Variants in TSG101 observed in about 807,000 individuals in gnomAD.
The protein encoded by TSG101 is tumor susceptibility gene 101 protein.
A neutral mutation model predicts 48.5 loss-of-function variants in TSG101; 19 were observed. The observed-to-expected ratio is 0.39, with a 90% CI of 0.27 to 0.58. The LOEUF is 0.58. TSG101 is among the 20% of genes least tolerant of loss of function. The pLI, the probability that TSG101 is intolerant of heterozygous loss-of-function variation, is 0.55. For missense variants in TSG101, 365 were observed against 484.4 expected (o/e 0.75, Z 2.31); for synonymous variants, 174 against 169.4 (o/e 1.03, Z -0.21).
chr11:18,484,786 A>T (rs1849593325), intron 7 of TSG101, among the ~76,000 whole-genome samples: 1 of 152,152 alleles, frequency 6.6e-6, no homozygotes, highest in African/African-American at 2.4e-5. Context: ...CCCCTTTCTA[A>T]TATAAGTTTG....
At chr11:18,499,400 A>ATTTTTT (rs1204737360) in intron 7 of TSG101, among the ~76,000 whole-genome samples, 4 of 6,782 alleles carry the variant, frequency 5.9e-4, no homozygotes, top group African/African-American at 8.2e-4. Context: ...ATATATATAT[A>ATTTTTT]TATTTTTTTT....
At chr11:18,514,627 G>A in intron 4 of TSG101, 51 bp downstream of exon 4, 1 of 1,449,982 alleles carries the variant, frequency 6.9e-7, no homozygotes, top group Non-Finnish European at 9.1e-7. Context: ...AGATGCTAGT[G>A]AGCAAAATAT....
At chr11:18,509,013 G>A (rs1392707483) in intron 5 of TSG101, among the ~76,000 whole-genome samples, 5 of 152,102 alleles carry the variant, frequency 3.3e-5, no homozygotes, top group African/African-American at 1.2e-4. Flanking sequence ...TAGGGGAGAA[G>A]CAACACTCTC....
At chr11:18,481,516 A>AAGAT (rs2013864278) in intron 9 of TSG101, 114 bp downstream of exon 9, 1 of 1,480,078 alleles carries the variant, frequency 6.8e-7, no homozygotes, top group Non-Finnish European at 8.9e-7. Flanking sequence ...GTTTTTTGGG[A>AAGAT]AGATAAAGAA....
intron 1 of TSG101, among the ~76,000 whole-genome samples, chr11:18,522,309 A>T (rs181805863): frequency 1.3e-5 from 2 of 152,264 alleles, no homozygotes; most frequent in East Asian, 3.9e-4. Context: ...ACATGACCAA[A>T]ACTGAACTCC....
At chr11:18,525,687 CAT>C (rs1850360933) in intron 1 of TSG101, 5 of 984,726 alleles carry the variant, frequency 5.1e-6, no homozygotes, top group South Asian at 4.7e-5. Flanking sequence ...TATGGCTTCC[CAT>C]ATGTCTTCTA....
intron 8 of TSG101, among the ~76,000 whole-genome samples, chr11:18,483,167 TTCC>T (rs997775619): frequency 6.6e-6 from 1 of 152,114 alleles, no homozygotes; most frequent in Admixed American, 6.6e-5. Context: ...CAGCTTTTGC[TTCC>T]TCCTCATTTC....
intron 7 of TSG101, 97 bp from the exon 8 acceptor site, chr11:18,484,169 A>G (rs1849586914): frequency 1.6e-6 from 2 of 1,230,398 alleles, no homozygotes; most frequent in African/African-American, 3.0e-5. Context: ...ATGAACCGAC[A>G]CTTTCAAAAT....
chr11:18,483,027 CGT>C (rs61603313), intron 8 of TSG101, among the ~76,000 whole-genome samples: 10 of 150,746 alleles, frequency 6.6e-5, no homozygotes, highest in South Asian at 6.3e-4. Flanking sequence ...GACCTGTGTG[CGT>C]GTGTGTGTGT....
chr11:18,499,404 T>TATATATATATATA (rs1372786271), intron 7 of TSG101, among the ~76,000 whole-genome samples: 2 of 5,122 alleles, frequency 3.9e-4, no homozygotes, highest in Non-Finnish European at 8.6e-4. Context: ...ATATATATAT[T>TATATATATATATA]TTTTTTTTTT....
chr11:18,518,782 TACACA>T (rs1850220543), intron 2 of TSG101, among the ~76,000 whole-genome samples: 1 of 152,132 alleles, frequency 6.6e-6, no homozygotes, highest in Non-Finnish European at 1.5e-5. Context: ...GTCTCGGTGA[TACACA>T]ACACATTAGC....
chr11:18,526,406 T>C (rs1454782995), intron 1 of TSG101, among the ~76,000 whole-genome samples: 2 of 152,058 alleles, frequency 1.3e-5, no homozygotes, highest in Non-Finnish European at 2.9e-5. Flanking sequence ...GAGTAGAGGA[T>C]TGCCTCAGAT....
intron 7 of TSG101, among the ~76,000 whole-genome samples, chr11:18,491,858 C>T (rs1231602469): frequency 6.6e-6 from 1 of 152,224 alleles, no homozygotes; most frequent in Non-Finnish European, 1.5e-5. Flanking sequence ...AAAGGCAACA[C>T]ATCTTTCCAC....
chr11:18,496,763 C>T (rs1157152519), intron 7 of TSG101, among the ~76,000 whole-genome samples: 1 of 152,038 alleles, frequency 6.6e-6, no homozygotes, highest in African/African-American at 2.4e-5. Context: ...TGCTGCACTC[C>T]AGCCTGAGCA....
Position 18,526,923 on chromosome 11 carries a change from C to T in TSG101, c.-107G>A. The T allele has an allele frequency of 7.7e-7, 1 of 1,293,038 alleles. No homozygotes were observed. Among genetic ancestry groups the T allele is most frequent in the South Asian group, 1.3e-5 (1 of 76,296 alleles). 80.1% of individuals were successfully genotyped at this position (1,293,038 alleles called of 1,614,324 possible). On this transcript the variant is annotated 5_prime_UTR_variant, in exon 1 of 10. Transcript: ENST00000251968. ...ACACCCCCAACCCGGCCTCAAACAA[C>T]AGGAAGTCGGCACCACTACACCACT...
intron 7 of TSG101, among the ~76,000 whole-genome samples, chr11:18,499,183 G>A (rs890746698): frequency 2.3e-5 from 3 of 128,058 alleles, no homozygotes; most frequent in South Asian, 4.6e-4. Flanking sequence ...ATAGAGAAGA[G>A]GATTCTTTTT....
At chr11:18,483,491 CAAA>C (rs35471524) in intron 8 of TSG101, among the ~76,000 whole-genome samples, 18,672 of 107,592 alleles carry the variant, frequency 0.17, 1,675 homozygotes, top group East Asian at 0.43. Flanking sequence ...GTGAAACTCT[CAAA>C]AAAAAAAAAA....
chr11:18,512,796 C>A (rs946137293), intron 4 of TSG101, among the ~76,000 whole-genome samples: 2 of 146,644 alleles, frequency 1.4e-5, no homozygotes, highest in African/African-American at 5.0e-5. Flanking sequence ...GGTGCGATCT[C>A]GGCTCACTGC....
chr11:18,484,573 T>C (rs1216450444), intron 7 of TSG101, among the ~76,000 whole-genome samples: 2 of 152,150 alleles, frequency 1.3e-5, no homozygotes, highest in African/African-American at 4.8e-5. Flanking sequence ...TGTAAGACTT[T>C]TACTACTTCA....
Sources: allele counts gnomAD v4.1 joint callset (sites outside exome capture counted in the v4.1 genomes callset), GRCh38; gene constraint gnomAD v4.1.1; transcripts MANE v1.5; gene names NCBI Gene and HGNC (gene_info 2026-07-23, HGNC 2026-07-21).